Variants in DEUP1 observed in about 807,000 individuals in gnomAD.
The protein encoded by DEUP1 is coiled-coil domain containing 67.
Under a neutral mutation model 87.4 loss-of-function variants are expected in DEUP1, and 82 were observed. That is an observed-to-expected ratio of 0.94 (90% CI 0.78 to 1.13). The LOEUF (loss-of-function observed/expected upper bound fraction) is 1.13, where lower values mean the gene tolerates loss of function less well. Ranked by LOEUF, DEUP1 falls within the 50% of genes most tolerant of loss-of-function variation. The pLI is 0.00. For missense variants in DEUP1, 663 were observed against 681.5 expected (o/e 0.97, Z 0.30); for synonymous variants, 214 against 222.7 (o/e 0.96, Z 0.35).
intron 11 of DEUP1, among the ~76,000 whole-genome samples, chr11:93,406,638 T>G (rs1247343453): frequency 6.6e-6 from 1 of 151,788 alleles, no homozygotes; most frequent in African/African-American, 2.4e-5. Flanking sequence ...GTAAAAAACT[T>G]TGTGTATAAA....
At chr11:93,373,629 A>ATATATATATATATATATACG (rs1945872665) in intron 7 of DEUP1, among the ~76,000 whole-genome samples, 3 of 120,152 alleles carry the variant, frequency 2.5e-5, no homozygotes, top group Admixed American at 2.3e-4. Flanking sequence ...ATATACGTAT[A>ATATATATATATATATATACG]TATATATATA....
intron 11 of DEUP1, among the ~76,000 whole-genome samples, chr11:93,397,195 T>C (rs943416571): frequency 2.0e-5 from 3 of 152,190 alleles, no homozygotes; most frequent in Non-Finnish European, 4.4e-5. Context: ...TTGGCCCTCC[T>C]TAAGCTATGA....
chr11:93,403,838 T>C (rs1947192408), intron 11 of DEUP1, among the ~76,000 whole-genome samples: 1 of 151,978 alleles, frequency 6.6e-6, no homozygotes, highest in African/African-American at 2.4e-5. Flanking sequence ...CTTTCTGAAA[T>C]AATTGGAATG....
At chr11:93,358,793 G>C (rs774151247) in intron 4 of DEUP1, among the ~76,000 whole-genome samples, 5 of 152,106 alleles carry the variant, frequency 3.3e-5, no homozygotes, top group Non-Finnish European at 7.4e-5. Flanking sequence ...TTGTTGGCCT[G>C]TCTGGTCTTG....
At chr11:93,335,261 T>C (rs1401380481) in intron 2 of DEUP1, among the ~76,000 whole-genome samples, 3 of 146,200 alleles carry the variant, frequency 2.1e-5, no homozygotes, top group African/African-American at 7.3e-5. Flanking sequence ...ATATGGACTA[T>C]ATGATTTTGA....
In DEUP1 at chr11:93,364,253, G is replaced by C. The variant is rs1565309077; in HGVS notation, c.391G>C (p.Glu131Gln). The C allele has an allele frequency of 1.2e-6, 2 of 1,610,346 alleles. No individual in the cohort carries two copies. The highest frequency in any genetic ancestry group is 1.7e-6 in the Non-Finnish European group (2 of 1,177,120). Residue 131 changes from glutamate to glutamine, a missense_variant, in exon 5 of 14, where the codon GAA becomes CAA. Physicochemically the swap from Glu to Gln is conservative, Grantham distance 29. Transcript: ENST00000298050. ...AAAAGAATTACCACACCTTAAAGAA[G>C]AAATACCCTTTGAACTGAGCAATTT... Reference protein sequence around the residue: ...PRKELPHLKEEIPFELSNLNQ... With the variant: ...PRKELPHLKEQIPFELSNLNQ...
At chr11:93,413,401 C>T (rs937570492) in intron 12 of DEUP1, among the ~76,000 whole-genome samples, 7 of 152,110 alleles carry the variant, frequency 4.6e-5, no homozygotes, top group African/African-American at 1.7e-4. Context: ...GCCATCACGC[C>T]AGGCTAATTT....
chr11:93,430,070 C>A (rs1440835749), intron 13 of DEUP1, among the ~76,000 whole-genome samples: 1 of 152,102 alleles, frequency 6.6e-6, no homozygotes, highest in African/African-American at 2.4e-5. Flanking sequence ...ATCTTTCTTT[C>A]TTAATCTTGT....
chr11:93,437,739 T>TGGTGGGGGGGGGGGG lies in DEUP1; in HGVS notation c.*21_*22insGTGGGGGGGGGGGGG. On this transcript the variant is annotated 3_prime_UTR_variant, in exon 14 of 14. Coordinates refer to ENST00000298050, the MANE Select transcript of DEUP1 (RefSeq NM_181645.4). Reference sequence around the variant, plus strand: ...ATATGAGCTTTTAAACTTTTTTATTTGCTTCCCCCCCCCACCCCCGCCAAG... The same window carrying TGGTGGGGGGGGGGGG: ...ATATGAGCTTTTAAACTTTTTTATTTGGTGGGGGGGGGGGGGCTTCCCCCCCCCACCCCCGCCAAG... 1 of 1,305,250 alleles carries TGGTGGGGGGGGGGGG rather than the reference T, an allele frequency of 7.7e-7. No individual in the cohort carries two copies. 80.9% of individuals were successfully genotyped at this position (1,305,250 alleles called of 1,614,324 possible).
At position 93,393,655 on chromosome 11, in the gene DEUP1, A is replaced by G. The variant is rs116493871; in HGVS notation, c.1042-804A>G. ...AATCGTCTATTTTTCTGTTTCCCCAATGGACTATGATTTTTTTTTAGACGG... is the reference window on the plus strand; with the variant it reads ...AATCGTCTATTTTTCTGTTTCCCCAGTGGACTATGATTTTTTTTTAGACGG... On this transcript the variant is annotated intron_variant, in intron 9 of 13. Transcript: ENST00000298050. 7.6e-3 allele frequency among the ~76,000 whole-genome samples: 1,160 copies of G among 152,254 alleles called. 15 individuals are homozygous for G. Among genetic ancestry groups the G allele is most frequent in the African/African-American group, 0.027 (1,118 of 41,534 alleles).
intron 5 of DEUP1, among the ~76,000 whole-genome samples, chr11:93,369,451 C>CA (rs35149531): frequency 0.016 from 2,043 of 130,142 alleles, 9 homozygotes; most frequent in Non-Finnish European, 0.019. Context: ...GTGGCAAATG[C>CA]AAAAAAAAAA....
At chr11:93,372,840 C>T (rs911940182) in intron 7 of DEUP1, among the ~76,000 whole-genome samples, 4 of 152,182 alleles carry the variant, frequency 2.6e-5, no homozygotes, top group African/African-American at 7.2e-5. Context: ...TTTTCTCTGG[C>T]TTCATTCTAA....
intron 12 of DEUP1, among the ~76,000 whole-genome samples, chr11:93,413,461 C>G (rs892615396): frequency 1.3e-5 from 2 of 152,160 alleles, no homozygotes; most frequent in African/African-American, 4.8e-5. Context: ...CCGAGATGGT[C>G]TCGATCTCCT....
At chr11:93,379,915 T>C (rs996831164) in intron 7 of DEUP1, among the ~76,000 whole-genome samples, 1 of 152,186 alleles carries the variant, frequency 6.6e-6, no homozygotes. Context: ...TAGAAGTCAA[T>C]ATAATTGTGA....
At chr11:93,399,945 A>G (rs1947065200) in intron 11 of DEUP1, among the ~76,000 whole-genome samples, 1 of 151,940 alleles carries the variant, frequency 6.6e-6, no homozygotes, top group South Asian at 2.1e-4. Flanking sequence ...TGTTTCATAT[A>G]TTTGTTCTTA....
At chr11:93,376,705 T>C (rs1591177581) in intron 7 of DEUP1, among the ~76,000 whole-genome samples, 1 of 152,158 alleles carries the variant, frequency 6.6e-6, no homozygotes, top group Non-Finnish European at 1.5e-5. Flanking sequence ...TGAAGTGTGA[T>C]CTTAGGTTTG....
At chr11:93,400,799 T>C (rs1054336775) in intron 11 of DEUP1, among the ~76,000 whole-genome samples, 1 of 152,072 alleles carries the variant, frequency 6.6e-6, no homozygotes, top group East Asian at 1.9e-4. Context: ...AAAACAAATA[T>C]GCAGATAAAG....
chr11:93,402,964 T>C (rs1947167059), intron 11 of DEUP1, among the ~76,000 whole-genome samples: 1 of 151,922 alleles, frequency 6.6e-6, no homozygotes, highest in Non-Finnish European at 1.5e-5. Context: ...GTAACATATA[T>C]GTATGATCTA....
At chr11:93,398,851 GC>G (rs1169051267) in intron 11 of DEUP1, among the ~76,000 whole-genome samples, 8 of 151,732 alleles carry the variant, frequency 5.3e-5, no homozygotes, top group Non-Finnish European at 7.4e-5. Context: ...CTCCCAAGCA[GC>G]TGGGATTACA....
Sources: gnomAD v4.1 joint callset for allele counts (sites outside exome capture counted in the v4.1 genomes callset) on GRCh38, gnomAD v4.1.1 for gene constraint, MANE v1.5 for transcripts, NCBI Gene and HGNC (gene_info 2026-07-23, HGNC 2026-07-21) for gene names.